The following THOC2 variants were observed in gnomAD, a reference collection of about 807,000 sequenced individuals.
The protein encoded by THOC2 is THO complex subunit 2, also known as THO complex 2.
THOC2 carries 10 observed loss-of-function variants against 128.4 expected under a neutral mutation model. The observed-to-expected ratio is 0.08, with a 90% CI of 0.05 to 0.13. The LOEUF (loss-of-function observed/expected upper bound fraction) is 0.13. Among genes scored for constraint, THOC2 ranks in the 10% least tolerant of loss-of-function variants. The pLI is 1.00. For missense variants in THOC2, 535 were observed against 1,155.7 expected (o/e 0.46, Z 7.79); for synonymous variants, 393 against 396.9 (o/e 0.99, Z 0.12).
chrX:123,713,476 C>CAAA (rs1245124629), intron 1 of THOC2, among the ~76,000 whole-genome samples: 1 of 38,383 alleles, frequency 2.6e-5, no homozygotes, highest in African/African-American at 8.6e-5. Flanking sequence ...TCTGTCTCTA[C>CAAA]AAAAAAAAAA....
At chrX:123,613,175 G>A (rs1241550303) in intron 36 of THOC2, among the ~76,000 whole-genome samples, 2 of 110,572 alleles carry the variant, frequency 1.8e-5, no homozygotes, top group Admixed American at 1.9e-4. Flanking sequence ...GAATGGAGAG[G>A]GGAAAGGAAT....
At chrX:123,655,718 T>C (rs1180745684) in intron 12 of THOC2, among the ~76,000 whole-genome samples, 1 of 111,067 alleles carries the variant, frequency 9.0e-6, no homozygotes. Flanking sequence ...CTGGGGTATA[T>C]TCTGCCTGCC....
intron 12 of THOC2, among the ~76,000 whole-genome samples, chrX:123,653,256 T>C (rs916558564): frequency 8.9e-6 from 1 of 111,952 alleles, no homozygotes; most frequent in East Asian, 2.8e-4. Flanking sequence ...CCTTACACCA[T>C]ATACAACAAT....
chrX:123,614,617 G>A (rs1407758447), intron 33 of THOC2, among the ~76,000 whole-genome samples: 1 of 110,564 alleles, frequency 9.0e-6, no homozygotes, highest in Non-Finnish European at 1.9e-5. Flanking sequence ...CCACCGATAG[G>A]CAGTCAATAA....
chrX:123,696,068 C>T lies in THOC2; in HGVS notation c.554G>A (p.Gly185Glu), dbSNP rs2050437522. The change falls in exon 7 of 39, where the codon GGA (glycine) becomes GAA (glutamate). Residue 185 changes from glycine (G) to glutamate (E), a missense_variant. By Grantham distance (98) the Gly-to-Glu change is moderately conservative (BLOSUM62 -2). Coordinates refer to ENST00000245838, the MANE Select transcript of THOC2 (RefSeq NM_001081550.2). Reference protein sequence around the residue: ...LIAELGQDLSGSITSDLILEN... With the variant: ...LIAELGQDLSESITSDLILEN... The stretch of plus-strand genomic sequence containing the variant: ...TAAGATTAAATCACTAGTAATACTT[C>T]CAGATAAATCTTGCCCCAATTCAGC... The T allele has an allele frequency of 8.8e-7, 1 of 1,140,354 alleles. No homozygotes were observed. Among genetic ancestry groups the T allele is most frequent in the Non-Finnish European group, 1.2e-6 (1 of 833,012 alleles). The allele number at this position is 1,140,354 out of a possible 1,213,427, so 94.0% of individuals were successfully genotyped here. A position where few individuals can be genotyped will look rare whatever the true frequency, so the allele number is the denominator to read the frequency against.
intron 1 of THOC2, among the ~76,000 whole-genome samples, chrX:123,732,431 C>G (rs752804138): frequency 1.5e-3 from 168 of 112,382 alleles, no homozygotes; most frequent in Non-Finnish European, 2.8e-3. Flanking sequence ...TCGCGGCGCC[C>G]CGGGCTTCGC....
At chrX:123,638,899 A>C (rs1026155549) in intron 17 of THOC2, 35 bp downstream of exon 17, 2 of 831,535 alleles carry the variant, frequency 2.4e-6, no homozygotes, top group Non-Finnish European at 3.4e-6. Flanking sequence ...TCTATTAAAT[A>C]TGAAATCTAC....
chrX:123,673,032 G>A (rs2049342910), intron 8 of THOC2, among the ~76,000 whole-genome samples: 1 of 112,297 alleles, frequency 8.9e-6, no homozygotes, highest in African/African-American at 3.2e-5. Context: ...TGTAACAATA[G>A]TTTCCTAATT....
At chrX:123,634,564 G>A (rs777056480) in intron 19 of THOC2, among the ~76,000 whole-genome samples, 1 of 111,589 alleles carries the variant, frequency 9.0e-6, no homozygotes, top group African/African-American at 3.3e-5. Flanking sequence ...TTTAGTACAT[G>A]TAACGCTGAT....
intron 28 of THOC2, 191 bp from the exon 29 acceptor site, chrX:123,623,474 T>A: frequency 1.8e-6 from 1 of 565,367 alleles, no homozygotes; most frequent in Non-Finnish European, 2.6e-6. Context: ...ACAATTTCAC[T>A]ATAAACTAAT....
chrX:123,661,392 C>T (rs2048822981), intron 12 of THOC2, among the ~76,000 whole-genome samples: 1 of 108,181 alleles, frequency 9.2e-6, no homozygotes, highest in African/African-American at 3.4e-5. Context: ...GCGACAAGAG[C>T]GAAACTCCAT....
At chrX:123,667,522 G>C (rs1474797646) in intron 10 of THOC2, among the ~76,000 whole-genome samples, 1 of 111,320 alleles carries the variant, frequency 9.0e-6, no homozygotes, top group Non-Finnish European at 1.9e-5. Flanking sequence ...CAGATCACTT[G>C]AGCTCAGAAG....
intron 7 of THOC2, among the ~76,000 whole-genome samples, chrX:123,692,524 C>T (rs2050266914): frequency 2.8e-5 from 2 of 70,514 alleles, no homozygotes; most frequent in South Asian, 9.7e-4. Flanking sequence ...TTTTTTGAGA[C>T]AGTGTCTCAC....
At chrX:123,645,730 C>T (rs751569859) in intron 12 of THOC2, among the ~76,000 whole-genome samples, 188 of 111,693 alleles carry the variant, frequency 1.7e-3, no homozygotes, top group African/African-American at 5.9e-3. Context: ...GGGAGGCCAA[C>T]GTGGGCAGAT....
chrX:123,616,673 G>T (rs748322946), intron 33 of THOC2, among the ~76,000 whole-genome samples: 119 of 96,100 alleles, frequency 1.2e-3, no homozygotes, highest in Middle Eastern at 5.4e-3. Flanking sequence ...CCTGTTTTTT[G>T]TTTTTTTTTT....
intron 12 of THOC2, among the ~76,000 whole-genome samples, chrX:123,648,734 C>T (rs1302636591): frequency 2.7e-5 from 3 of 111,937 alleles, no homozygotes; most frequent in Non-Finnish European, 5.6e-5. Context: ...TGCAGCGTCA[C>T]AAAGCTGGTG....
rs1462069654 is a variant in THOC2 at position 123,696,852 on chromosome X, A to G, written c.346-10T>C. On this transcript the variant is annotated splice_polypyrimidine_tract_variant and intron_variant, in intron 5 of 38. Transcript: ENST00000245838. ...TGTCTGAAACTAAATACTGTATTAA[A>G]AAATATTAAAGGTCATTTATTCCTT... 2.6e-6 allele frequency: 3 copies of G among 1,160,568 alleles called. No individual in the cohort carries two copies. The highest frequency in any genetic ancestry group is 3.5e-6 in the Non-Finnish European group (3 of 867,793).
intron 4 of THOC2, among the ~76,000 whole-genome samples, chrX:123,698,200 C>T (rs2050525059): frequency 8.9e-6 from 1 of 112,058 alleles, no homozygotes; most frequent in South Asian, 3.7e-4. Flanking sequence ...TGGCTCACGC[C>T]TGCAATCCCA....
At chrX:123,674,321 T>C (rs2049397533) in intron 8 of THOC2, among the ~76,000 whole-genome samples, 1 of 112,056 alleles carries the variant, frequency 8.9e-6, no homozygotes, top group South Asian at 3.7e-4. Context: ...TATAATGTTT[T>C]TCATTGTCTC....
Sources: allele counts gnomAD v4.1 joint callset (sites outside exome capture counted in the v4.1 genomes callset), GRCh38; gene constraint gnomAD v4.1.1; transcripts MANE v1.5; gene names NCBI Gene and HGNC (gene_info 2026-07-23, HGNC 2026-07-21).